The following DCAF13 variants were observed in gnomAD, a reference collection of about 807,000 sequenced individuals.
The protein encoded by DCAF13 is DDB1- and CUL4-associated factor 13.
Under a neutral mutation model 59.0 loss-of-function variants are expected in DCAF13, and 38 were observed. That is an observed-to-expected ratio of 0.64 (90% CI 0.50 to 0.84). The LOEUF (loss-of-function observed/expected upper bound fraction) is 0.84. Among genes scored for constraint, DCAF13 ranks in the 40% least tolerant of loss-of-function variants. DCAF13 has a pLI of 0.00. For missense variants in DCAF13, 469 were observed against 558.4 expected (o/e 0.84, Z 1.61); for synonymous variants, 173 against 175.0 (o/e 0.99, Z 0.09).
intron 9 of DCAF13, chr8:103,441,214 A>G (rs925358348): frequency 2.5e-6 from 1 of 393,174 alleles, no homozygotes; most frequent in Non-Finnish European, 4.5e-6. Flanking sequence ...CTACTCCTTC[A>G]GCACTGCTGC....
rs1040228135 is a variant in DCAF13, at chr8:103,422,724, C to T, written c.378+1642C>T. On this transcript the variant is annotated intron_variant, in intron 3 of 10. Coordinates refer to ENST00000612750, the MANE Select transcript of DCAF13 (RefSeq NM_015420.7). ...ATACAACAGTTTTTGTATACACATG[C>T]GCTAATCAGTCAAATAGATCTTCCT... Among the ~76,000 whole-genome samples, 7 of 152,170 alleles carry T rather than the reference C, an allele frequency of 4.6e-5. No homozygotes were observed. The East Asian group carries it at 5.8e-4, about 13-fold the overall frequency.
At chr8:103,418,952 C>T (rs1433625660) in intron 1 of DCAF13, among the ~76,000 whole-genome samples, 4 of 134,578 alleles carry the variant, frequency 3.0e-5, no homozygotes, top group South Asian at 2.5e-4. Flanking sequence ...GGCGCGATCT[C>T]GGCTCACTGC....
At chr8:103,420,002 C>T (rs369364519) in intron 1 of DCAF13, among the ~76,000 whole-genome samples, 22 of 138,740 alleles carry the variant, frequency 1.6e-4, no homozygotes, top group Non-Finnish European at 2.6e-4. Flanking sequence ...AGCAAGACTC[C>T]GTCTCAAAAA....
intron 7 of DCAF13, among the ~76,000 whole-genome samples, chr8:103,433,606 G>T (rs1437651085): frequency 1.3e-5 from 2 of 151,908 alleles, no homozygotes; most frequent in Non-Finnish European, 2.9e-5. Context: ...GCTCATAAAA[G>T]GATTTATTAT....
chr8:103,421,177 T>G (rs540644850), intron 3 of DCAF13, 95 bp downstream of exon 3: 2 of 890,878 alleles, frequency 2.2e-6, no homozygotes, highest in South Asian at 2.8e-5. Flanking sequence ...TATTTGTTCC[T>G]AGGCCCTTTT....
Position 103,435,717 on chromosome 8 carries a change from A to T in DCAF13, c.877A>T (p.Thr293Ser). 6.2e-7 allele frequency: 1 copy of T among 1,613,696 alleles called. No individual in the cohort carries two copies. The highest frequency in any genetic ancestry group is 1.1e-5 in the South Asian group (1 of 91,064). ...AGTGCTTGATGTGGATTACTCTCCC[A>T]CTGGGAAGGAGTTTGTGTCTGCTAG... is the stretch of plus-strand genomic sequence containing the variant. ...SAVLDVDYSP[T>S]GKEFVSASFD... The change falls in exon 8 of 11, where the codon ACT becomes TCT. Residue 293 changes from threonine to serine, a missense_variant. Physicochemically the swap from Thr to Ser is moderately conservative, Grantham distance 58. This residue lies in a region of DCAF13 where 355 missense variants were observed against 399.1 expected (regional missense o/e 0.89). Transcript: ENST00000612750.
chr8:103,440,046 C>A, intron 8 of DCAF13, 90 bp from the exon 9 acceptor site: 1 of 1,091,958 alleles, frequency 9.2e-7, no homozygotes, highest in Non-Finnish European at 1.3e-6. Context: ...CTATAGGACT[C>A]AGAAATAGTA....
chr8:103,434,090 G>C (rs559895379), intron 7 of DCAF13, among the ~76,000 whole-genome samples: 9 of 152,104 alleles, frequency 5.9e-5, no homozygotes, highest in Non-Finnish European at 8.8e-5. Context: ...TATCATAATT[G>C]CTCTTTGAAA....
intron 8 of DCAF13, chr8:103,439,867 T>C (rs1439921326): frequency 2.7e-5 from 6 of 221,638 alleles, no homozygotes. Context: ...TCTGTGAACT[T>C]TTCTGTACAT....
At chr8:103,430,528 G>T in intron 5 of DCAF13, 84 bp from the exon 6 acceptor site, 1 of 826,870 alleles carries the variant, frequency 1.2e-6, no homozygotes, top group African/African-American at 1.7e-5. Flanking sequence ...AATATTAAGG[G>T]CAATTAAATC....
At chr8:103,422,519 G>A (rs1429474402) in intron 3 of DCAF13, among the ~76,000 whole-genome samples, 4 of 152,194 alleles carry the variant, frequency 2.6e-5, no homozygotes, top group Admixed American at 2.0e-4. Context: ...AGTGTCCTAG[G>A]AGGAAGGAAT....
In DCAF13 at chr8:103,435,662, T is replaced by A. The variant is rs759160467; in HGVS notation, c.822T>A (p.Pro274=). 40 of 1,609,370 alleles carry A rather than the reference T, an allele frequency of 2.5e-5. No individual in the cohort carries two copies. In the East Asian group the frequency reaches 8.3e-4, roughly 33 times the overall value. Reference sequence around the variant, plus strand: ...TTGATATGCGTGCACTGGACACTCCTGTAATGGTCCATATGGATCATGTAT... The same window carrying A: ...TTGATATGCGTGCACTGGACACTCCAGTAATGGTCCATATGGATCATGTAT... The part of the protein sequence containing the change: ...YTFDMRALDT[P]VMVHMDHVSA... Residue 274 remains proline (P), a synonymous_variant, in exon 8 of 11, where the codon CCT becomes CCA. Transcript: ENST00000612750.
At chr8:103,420,668 TA>T in intron 2 of DCAF13, 1 of 589,838 alleles carries the variant, frequency 1.7e-6, no homozygotes. Context: ...AATTTGACAG[TA>T]AATTAAATAA....
At chr8:103,416,247 T>C (rs1816610805) in intron 1 of DCAF13, among the ~76,000 whole-genome samples, 2 of 152,206 alleles carry the variant, frequency 1.3e-5, no homozygotes, top group Non-Finnish European at 2.9e-5. Context: ...AAAACAGTAT[T>C]TCACTATTTT....
chr8:103,422,984 A>C (rs1816741487), intron 3 of DCAF13, among the ~76,000 whole-genome samples: 1 of 151,972 alleles, frequency 6.6e-6, no homozygotes, highest in Non-Finnish European at 1.5e-5. Context: ...GTGTTAAAAG[A>C]TTCGGTTTTG....
In DCAF13 at chr8:103,416,634, C is replaced by A. The variant is rs3134249; in HGVS notation, c.70+1118C>A. Among the ~76,000 whole-genome samples, 10 of 152,334 alleles carry A rather than the reference C, an allele frequency of 6.6e-5. No homozygotes were observed. The East Asian group carries it at 1.5e-3, about 23-fold the overall frequency. ...CCCCGCCCCCTTCAGCACCCGTCTT[C>A]TGTGATTCTATCACTTCTTCACAGT... On this transcript the variant is annotated intron_variant, in intron 1 of 10. Transcript: ENST00000612750.
At chr8:103,434,423 C>T (rs1332096131) in intron 7 of DCAF13, among the ~76,000 whole-genome samples, 2 of 152,152 alleles carry the variant, frequency 1.3e-5, no homozygotes, top group South Asian at 4.1e-4. Context: ...AAGCATCTTA[C>T]TAAAAAGCAG....
intron 6 of DCAF13, 32 bp downstream of exon 6, chr8:103,430,721 A>T: frequency 6.7e-7 from 1 of 1,481,916 alleles, no homozygotes; most frequent in Non-Finnish European, 9.3e-7. Context: ...TGCTTTATAC[A>T]GTTGGCATTA....
intron 1 of DCAF13, among the ~76,000 whole-genome samples, chr8:103,418,918 CTG>C (rs1369180197): frequency 9.1e-6 from 1 of 110,018 alleles, no homozygotes; most frequent in African/African-American, 3.6e-5. Flanking sequence ...AAGTCACACT[CTG>C]TCAGCCAGGC....
Sources: allele counts gnomAD v4.1 joint callset (sites outside exome capture counted in the v4.1 genomes callset), GRCh38; gene constraint gnomAD v4.1.1; regional missense constraint gnomAD v4.1.1; transcripts MANE v1.5; gene names NCBI Gene and HGNC (gene_info 2026-07-23, HGNC 2026-07-21).